The following ZBTB34 variants were observed in gnomAD, a reference collection of about 807,000 sequenced individuals.
ZBTB34 encodes the protein zinc finger and BTB domain-containing protein 34.
ZBTB34 carries 1 observed loss-of-function variant against 33.4 expected under a neutral mutation model. The ratio of observed to expected loss-of-function variants is 0.03; its 90% CI spans 0.01 to 0.14. ZBTB34 has a LOEUF of 0.14. Among genes scored for constraint, ZBTB34 ranks in the 10% least tolerant of loss-of-function variants. The probability of loss-of-function intolerance (pLI) is 1.00; values close to 1 mark genes in which losing one functional copy is unlikely to be tolerated. For missense variants in ZBTB34, 406 were observed against 657.2 expected (o/e 0.62, Z 4.18); for synonymous variants, 283 against 253.5 (o/e 1.12, Z -1.11).
At position 126,877,517 on chromosome 9, in the gene ZBTB34, A is replaced by G. The variant is rs80257432; in HGVS notation, c.-10-1873A>G. ...TATAATTGTTAGATCTGGTTTTGTT[A>G]TGTTTCTGTCAGAGGATGGAGCCGG... On this transcript the variant is annotated intron_variant, in intron 1 of 1. Transcript: ENST00000319119. 6.8e-3 allele frequency among the ~76,000 whole-genome samples: 1,029 copies of G among 152,194 alleles called. 16 individuals are homozygous for G. Among genetic ancestry groups the G allele is most frequent in the African/African-American group, 0.024 (983 of 41,518 alleles).
chr9:126,865,036 C>G (rs535309348), intron 1 of ZBTB34, among the ~76,000 whole-genome samples: 1 of 152,298 alleles, frequency 6.6e-6, no homozygotes, highest in East Asian at 1.9e-4. Context: ...ATAATGGGTA[C>G]CTCCTGGTGC....
intron 1 of ZBTB34, among the ~76,000 whole-genome samples, chr9:126,865,797 C>T (rs2033192221): frequency 6.6e-6 from 1 of 152,132 alleles, no homozygotes; most frequent in African/African-American, 2.4e-5. Flanking sequence ...CCAGACTGGT[C>T]AACATGGTAA....
intron 1 of ZBTB34, among the ~76,000 whole-genome samples, chr9:126,871,369 T>TC (rs1335395838): frequency 2.7e-5 from 4 of 150,098 alleles, no homozygotes; most frequent in Admixed American, 2.7e-4. Context: ...TTTTTTTCTT[T>TC]TTTTTTTTTT....
intron 1 of ZBTB34, among the ~76,000 whole-genome samples, chr9:126,870,372 G>T (rs138510639): frequency 6.7e-4 from 102 of 152,310 alleles, no homozygotes; most frequent in Non-Finnish European, 1.3e-3. Context: ...TTTTCTGTAT[G>T]TAAGAGATTG....
intron 1 of ZBTB34, among the ~76,000 whole-genome samples, chr9:126,876,507 C>T (rs1281471694): frequency 6.6e-6 from 1 of 151,860 alleles, no homozygotes; most frequent in Admixed American, 6.6e-5. Context: ...GACATCCTTA[C>T]ATTTGTGAAG....
rs993457619 is a variant in ZBTB34, at chr9:126,870,134, T to TTAAA, written c.-10-9255_-10-9252dup. ...AAACACCTATGATTAATCTCCTGAA[T>TTAAA]TAAAGAGTTCTGGTTCTGATGGTTT... On this transcript the variant is annotated intron_variant, in intron 1 of 1. Transcript: ENST00000319119. Among the ~76,000 whole-genome samples the TTAAA allele has an allele frequency of 8.5e-5, 13 of 152,224 alleles. 1 individual carries two copies. The highest frequency in any genetic ancestry group is 5.8e-4 in the East Asian group (3 of 5,208).
rs565751137 is a variant in ZBTB34, at chr9:126,876,692, CA to C, written c.-10-2697del. ...AACTGAGATGCTTTAAATGTTTTTACATGCATCTAGAACAGTGTGAACGGCC... is the reference window on the plus strand; with the variant it reads ...AACTGAGATGCTTTAAATGTTTTTACTGCATCTAGAACAGTGTGAACGGCC... On this transcript the variant is annotated intron_variant, in intron 1 of 1. Transcript: ENST00000319119. 1.4e-4 allele frequency among the ~76,000 whole-genome samples: 22 copies of C among 152,322 alleles called. No homozygotes were observed. The East Asian group carries it at 2.9e-3, about 20-fold the overall frequency.
At chr9:126,877,799 G>C (rs913999976) in intron 1 of ZBTB34, among the ~76,000 whole-genome samples, 1 of 152,180 alleles carries the variant, frequency 6.6e-6, no homozygotes, top group African/African-American at 2.4e-5. Flanking sequence ...GAGGTCAGGA[G>C]TTCGAGACCA....
At chr9:126,883,995 G>A (rs2033483233) in exon 2 of ZBTB34, 1 of 167,076 alleles carries the variant, frequency 6.0e-6, no homozygotes, top group Non-Finnish European at 1.5e-5. Context: ...ACTCCTTAGA[G>A]CAACTCTTTT....
At chr9:126,867,949 G>A (rs568293294) in intron 1 of ZBTB34, among the ~76,000 whole-genome samples, 2 of 152,202 alleles carry the variant, frequency 1.3e-5, no homozygotes, top group Non-Finnish European at 2.9e-5. Flanking sequence ...TATTTTATGT[G>A]ACCCTCTAAT....
chr9:126,871,851 C>T (rs1351137056), intron 1 of ZBTB34, among the ~76,000 whole-genome samples: 12 of 152,156 alleles, frequency 7.9e-5, no homozygotes. Flanking sequence ...TGCAGTGGCT[C>T]ATGTCTGTAA....
At chr9:126,882,981 G>C (rs899396710) in exon 2 of ZBTB34, 3 of 166,934 alleles carry the variant, frequency 1.8e-5, no homozygotes, top group African/African-American at 7.2e-5. Flanking sequence ...CCGAGGAGCG[G>C]CTTTGCTAAA....
chr9:126,873,769 T>C (rs1368005311), intron 1 of ZBTB34, among the ~76,000 whole-genome samples: 1 of 151,324 alleles, frequency 6.6e-6, no homozygotes, highest in African/African-American at 2.4e-5. Flanking sequence ...CACGCCCAGC[T>C]AATTTTTGTA....
chr9:126,860,996 T>G (rs1564218236), intron 1 of ZBTB34, among the ~76,000 whole-genome samples: 1 of 151,768 alleles, frequency 6.6e-6, no homozygotes, highest in African/African-American at 2.4e-5. Flanking sequence ...TGCTCGGTCC[T>G]GGAGTCCCGG....
exon 2 of ZBTB34, chr9:126,881,983 T>C (rs963090088): frequency 1.1e-4 from 18 of 166,948 alleles, no homozygotes; most frequent in African/African-American, 4.3e-4. Flanking sequence ...TTCTTTCTCT[T>C]TTCAAACAGC....
chr9:126,870,962 A>G (rs1306968690), intron 1 of ZBTB34, among the ~76,000 whole-genome samples: 1 of 152,030 alleles, frequency 6.6e-6, no homozygotes, highest in Non-Finnish European at 1.5e-5. Flanking sequence ...ACAATGAGGT[A>G]CATCTTTCAC....
intron 1 of ZBTB34, among the ~76,000 whole-genome samples, chr9:126,862,678 T>A (rs1588382559): frequency 1.3e-5 from 2 of 152,350 alleles, no homozygotes; most frequent in Middle Eastern, 6.8e-3. Flanking sequence ...CCAGAGGGTG[T>A]TCCCTGACTT....
intron 1 of ZBTB34, among the ~76,000 whole-genome samples, chr9:126,874,986 C>T (rs2033336479): frequency 6.6e-6 from 1 of 152,166 alleles, no homozygotes; most frequent in African/African-American, 2.4e-5. Context: ...AATTATAGCC[C>T]AATCACACAT....
chr9:126,881,136 C>G, exon 2 of ZBTB34: 1 of 547,174 alleles, frequency 1.8e-6, no homozygotes, highest in Middle Eastern at 5.1e-4. Context: ...AGGGAAAACA[C>G]AGGCTGACAG....
Sources: allele counts gnomAD v4.1 joint callset (sites outside exome capture counted in the v4.1 genomes callset), GRCh38; gene constraint gnomAD v4.1.1; transcripts MANE v1.5; gene names NCBI Gene and HGNC (gene_info 2026-07-23, HGNC 2026-07-21).